Variants in ADGRV1 observed in about 807,000 individuals in gnomAD.
ADGRV1 encodes the protein adhesion G protein-coupled receptor V1, also known as G-protein coupled receptor 98.
A neutral mutation model predicts 596.2 loss-of-function variants in ADGRV1; 359 were observed. That is an observed-to-expected ratio of 0.60 (90% CI 0.55 to 0.66). ADGRV1 has a LOEUF of 0.66. Among genes scored for constraint, ADGRV1 ranks in the 30% least tolerant of loss-of-function variants. ADGRV1 has a pLI of 0.00. For missense variants in ADGRV1, 7,274 were observed against 7,575.6 expected, an observed-to-expected ratio of 0.96 and a Z score of 1.48; for synonymous variants, 2,681 against 2,679.2, an observed-to-expected ratio of 1.00 and a Z score of -0.02.
At chr5:90,998,019 A>G (rs577207771) in intron 85 of ADGRV1, among the ~76,000 whole-genome samples, 1 of 152,208 alleles carries the variant, frequency 6.6e-6, no homozygotes, top group Non-Finnish European at 1.5e-5. Context: ...AACATTGTTG[A>G]CCCTGTAAGT....
chr5:90,795,494 CAGTCAGGGACTTA>C (rs1760595395), intron 70 of ADGRV1, among the ~76,000 whole-genome samples: 1 of 152,222 alleles, frequency 6.6e-6, no homozygotes, highest in Admixed American at 6.5e-5. Context: ...GCAGCAGCCC[CAGTCAGGGACTTA>C]TAGAGAAAAC....
At chr5:91,153,907 T>C (rs1337374781) in intron 89 of ADGRV1, among the ~76,000 whole-genome samples, 3 of 152,208 alleles carry the variant, frequency 2.0e-5, no homozygotes, top group Non-Finnish European at 2.9e-5. Flanking sequence ...TCTTACAGAA[T>C]GAGAGGAAAA....
rs544635548 is a variant in ADGRV1, at chr5:91,130,411, A to T, written c.18433-19619A>T. Among the ~76,000 whole-genome samples, 361 of 150,052 alleles carry T rather than the reference A, an allele frequency of 2.4e-3. 2 individuals are homozygous for T. Among genetic ancestry groups the T allele is most frequent in the African/African-American group, 8.2e-3 (334 of 40,918 alleles). ...GCCGGGCGTGGTGGTGGGCAGCTCTACTTGGGAGGCTGAGGCAGGAGAATT... is the reference window on the plus strand; with the variant it reads ...GCCGGGCGTGGTGGTGGGCAGCTCTTCTTGGGAGGCTGAGGCAGGAGAATT... On this transcript the variant is annotated intron_variant, in intron 87 of 89. Coordinates refer to ENST00000405460, the MANE Select transcript of ADGRV1 (RefSeq NM_032119.4).
chr5:90,978,661 G>T (rs1386985280), intron 84 of ADGRV1, among the ~76,000 whole-genome samples: 1 of 152,058 alleles, frequency 6.6e-6, no homozygotes, highest in Non-Finnish European at 1.5e-5. Context: ...ATTACAGATT[G>T]TATGCCTGTA....
intron 85 of ADGRV1, among the ~76,000 whole-genome samples, chr5:91,033,501 C>T (rs1284897444): frequency 6.6e-6 from 1 of 152,156 alleles, no homozygotes; most frequent in Non-Finnish European, 1.5e-5. Context: ...ATTTGCCAGT[C>T]TCCCAGGGCA....
chr5:90,591,715 A>T (rs1334759773), intron 1 of ADGRV1, among the ~76,000 whole-genome samples: 1 of 152,196 alleles, frequency 6.6e-6, no homozygotes, highest in Admixed American at 6.5e-5. Context: ...TTTGAACCTG[A>T]AGTCCCACTT....
At chr5:90,708,770 C>A in intron 38 of ADGRV1, 46 bp from the exon 39 acceptor site, 2 of 1,236,610 alleles carry the variant, frequency 1.6e-6, no homozygotes, top group Non-Finnish European at 2.4e-6. Context: ...GGGTTAATTA[C>A]TTTGAGAGTA....
intron 83 of ADGRV1, among the ~76,000 whole-genome samples, chr5:90,937,426 T>A (rs1279458642): frequency 6.6e-6 from 1 of 151,852 alleles, no homozygotes; most frequent in Non-Finnish European, 1.5e-5. Flanking sequence ...TTATCCCATT[T>A]ATTGTATCTT....
chr5:90,589,656 T>G (rs1759218476), intron 1 of ADGRV1, among the ~76,000 whole-genome samples: 1 of 152,186 alleles, frequency 6.6e-6, no homozygotes, highest in Non-Finnish European at 1.5e-5. Flanking sequence ...GGAGAAGACA[T>G]TAATCTAATT....
chr5:90,667,923 G>A (rs1357123412), intron 21 of ADGRV1, among the ~76,000 whole-genome samples: 1 of 151,970 alleles, frequency 6.6e-6, no homozygotes, highest in African/African-American at 2.4e-5. Flanking sequence ...AGGCTGCTCG[G>A]GGGTCAGGGG....
intron 85 of ADGRV1, among the ~76,000 whole-genome samples, chr5:91,052,481 G>A (rs1408389668): frequency 6.6e-6 from 1 of 151,160 alleles, no homozygotes; most frequent in East Asian, 1.9e-4. Context: ...GCCCAGGCTG[G>A]AGTGCAGTGG....
rs367621359 is a variant in ADGRV1, at chr5:90,679,626, C to T, written c.5521C>T (p.Arg1841Cys). 36 of 1,611,158 alleles carry T rather than the reference C, an allele frequency of 2.2e-5. No individual in the cohort carries two copies. Among genetic ancestry groups the T allele is most frequent in the East Asian group, 6.7e-5 (3 of 44,846 alleles). The change falls in exon 26 of 90, where the codon CGT becomes TGT. Residue 1841 changes from arginine to cysteine, a missense_variant. Transcript: ENST00000405460. ...ATTCTTCCTTCCAACTATTCACAAA[C>T]GTGGTAAGCAGTTTTTCCAAGGTCC... ...MEFFLPTIHK[R>C]ASLGVASQIL...
At chr5:90,645,929 A>G (rs1375874245) in intron 15 of ADGRV1, 39 bp from the exon 16 acceptor site, 1 of 1,511,840 alleles carries the variant, frequency 6.6e-7, no homozygotes, top group Non-Finnish European at 9.0e-7. Context: ...ATTTATATGT[A>G]TAAGTCACCT....
At chr5:91,158,168 G>A (rs940191209) in intron 89 of ADGRV1, among the ~76,000 whole-genome samples, 1 of 152,146 alleles carries the variant, frequency 6.6e-6, no homozygotes, top group African/African-American at 2.4e-5. Context: ...GTGACAATGA[G>A]CCACCAATTT....
At chr5:90,959,992 A>C (rs921716957) in intron 83 of ADGRV1, among the ~76,000 whole-genome samples, 18 of 151,982 alleles carry the variant, frequency 1.2e-4, no homozygotes, top group Non-Finnish European at 2.1e-4. Context: ...ACAAAAAATT[A>C]GCTGGGCATG....
Position 90,693,997 on chromosome 5 carries a change from C to A in ADGRV1, c.7241C>A (p.Pro2414Gln). The A allele has an allele frequency of 6.2e-7, 1 of 1,613,508 alleles. No homozygotes were observed. Among genetic ancestry groups the A allele is most frequent in the Non-Finnish European group, 8.5e-7 (1 of 1,179,686 alleles). Reference protein sequence around the residue: ...GQDLLSYYESPIQGVPDPLWR... With the variant: ...GQDLLSYYESQIQGVPDPLWR... ...GATTTACTGTCCTACTATGAATCTC[C>A]AATTCAAGGGGTGCCTGACCCACTT... The change falls in exon 33 of 90, where the codon CCA (proline) becomes CAA (glutamine). Residue 2414 changes from proline (P) to glutamine (Q), a missense_variant. Pro to Gln is a moderately conservative substitution (Grantham distance 76, BLOSUM62 -1). Transcript: ENST00000405460.
At chr5:90,695,810 G>A (rs1183535952) in intron 33 of ADGRV1, among the ~76,000 whole-genome samples, 1 of 151,982 alleles carries the variant, frequency 6.6e-6, no homozygotes, top group Non-Finnish European at 1.5e-5. Context: ...CGGAAGATGG[G>A]AACAGGTTAG....
intron 83 of ADGRV1, among the ~76,000 whole-genome samples, chr5:90,949,188 A>G (rs1235963141): frequency 1.3e-5 from 2 of 152,168 alleles, no homozygotes; most frequent in Non-Finnish European, 2.9e-5. Flanking sequence ...ATTAATGATG[A>G]TGATGCAAGT....
rs2152065299 is a variant in ADGRV1 at position 90,622,592 on chromosome 5, A to G, written c.454-5A>G. The G allele has an allele frequency of 1.4e-6, 2 of 1,406,410 alleles. No homozygotes were observed. Among genetic ancestry groups the G allele is most frequent in the Non-Finnish European group, 9.4e-7 (1 of 1,066,296 alleles). The allele number at this position is 1,406,410 out of a possible 1,614,324, so 87.1% of individuals were successfully genotyped here. On this transcript the variant is annotated splice_polypyrimidine_tract_variant and splice_region_variant and intron_variant, in intron 4 of 89. Coordinates refer to ENST00000405460, the MANE Select transcript of ADGRV1 (RefSeq NM_032119.4). Reference sequence around the variant, plus strand: ...CTGATCATCTGTGCTTGCTTTCCTCAATAGCTTCCCTCAATCGCAGTGAGT... The same window carrying G: ...CTGATCATCTGTGCTTGCTTTCCTCGATAGCTTCCCTCAATCGCAGTGAGT...
Sources: gnomAD v4.1 joint callset for allele counts (sites outside exome capture counted in the v4.1 genomes callset) on GRCh38, gnomAD v4.1.1 for gene constraint, MANE v1.5 for transcripts, NCBI Gene and HGNC (gene_info 2026-07-23, HGNC 2026-07-21) for gene names.